ZNF346: variants seen among roughly 807,000 people sequenced by gnomAD.
ZNF346 encodes the protein zinc finger protein 346.
A neutral mutation model predicts 33.7 loss-of-function variants in ZNF346; 23 were observed. The ratio of observed to expected loss-of-function variants is 0.68; its 90% confidence interval spans 0.49 to 0.97. ZNF346 has a LOEUF of 0.97. ZNF346 is among the 50% of genes least tolerant of loss of function. The probability of loss-of-function intolerance (pLI) is 0.00; values close to 1 mark genes in which losing one functional copy is unlikely to be tolerated. For missense variants in ZNF346, 340 were observed against 371.1 expected, an observed-to-expected ratio of 0.92 and a Z score of 0.69; for synonymous variants, 134 against 142.4, an observed-to-expected ratio of 0.94 and a Z score of 0.42.
At chr5:177,028,496 T>TTTTATATATATATATATATATATATATA (rs1554142622) in intron 1 of ZNF346, among the ~76,000 whole-genome samples, 1 of 90,540 alleles carries the variant, frequency 1.1e-5, no homozygotes, top group Non-Finnish European at 2.0e-5. Flanking sequence ...TTGTGACGTT[T>TTTTATATATATATATATATATATATATA]TATATATATA....
chr5:177,037,741 T>C (rs1480325106), intron 1 of ZNF346, among the ~76,000 whole-genome samples: 1 of 152,178 alleles, frequency 6.6e-6, no homozygotes, highest in Non-Finnish European at 1.5e-5. Context: ...TCCATTCTTG[T>C]CCCCATACAG....
intron 5 of ZNF346, among the ~76,000 whole-genome samples, chr5:177,058,608 AAAG>A (rs923024825): frequency 3.3e-5 from 5 of 152,228 alleles, no homozygotes; most frequent in Non-Finnish European, 5.9e-5. Flanking sequence ...CTTCACAAAT[AAAG>A]AAGTTGAGAC....
At chr5:177,069,222 C>T (rs1293756889), downstream of ZNF346, among the ~76,000 whole-genome samples, 2 of 120,482 alleles carry the variant, frequency 1.7e-5, no homozygotes, top group South Asian at 5.1e-4. Context: ...TTTGGGAGGC[C>T]GAGGCGGGCG....
intron 6 of ZNF346, among the ~76,000 whole-genome samples, chr5:177,062,658 A>ACAGAT (rs1203760934): frequency 1.3e-5 from 2 of 152,148 alleles, no homozygotes; most frequent in Non-Finnish European, 2.9e-5. Context: ...ACCAATAATC[A>ACAGAT]CAGATTGTGA....
At chr5:177,052,748 T>G (rs1353323616) in intron 5 of ZNF346, 1 of 152,226 alleles carries the variant, frequency 6.6e-6, no homozygotes, top group East Asian at 1.9e-4. Context: ...CTACTAAAAC[T>G]ACACGTACAC....
intron 4 of ZNF346, among the ~76,000 whole-genome samples, chr5:177,044,970 A>T (rs1301443902): frequency 6.6e-6 from 1 of 152,102 alleles, no homozygotes; most frequent in Non-Finnish European, 1.5e-5. Flanking sequence ...TAATCCTCAA[A>T]AGCTGCCTGT....
intron 5 of ZNF346, chr5:177,052,730 A>G (rs922958772): frequency 6.6e-5 from 10 of 152,206 alleles, no homozygotes; most frequent in African/African-American, 1.9e-4. Flanking sequence ...TACTGGTACT[A>G]AGAAAAACTA....
intron 4 of ZNF346, among the ~76,000 whole-genome samples, chr5:177,046,019 G>A (rs1289667467): frequency 6.6e-6 from 1 of 152,028 alleles, no homozygotes; most frequent in African/African-American, 2.4e-5. Context: ...GACATAGGCC[G>A]GGCATGGTGG....
At chr5:177,080,106 G>C (rs886093809) in exon 9 of ZNF346, 1 of 152,332 alleles carries the variant, frequency 6.6e-6, no homozygotes, top group African/African-American at 2.4e-5. Context: ...CTCCCAGGCT[G>C]TCATCAGCTC....
chr5:177,058,568 C>T (rs904399391), intron 5 of ZNF346, among the ~76,000 whole-genome samples: 1 of 152,166 alleles, frequency 6.6e-6, no homozygotes. Context: ...AATCTCCACA[C>T]GTTCCTATAA....
intron 3 of ZNF346, among the ~76,000 whole-genome samples, chr5:177,042,730 T>C (rs1779506027): frequency 6.6e-6 from 1 of 152,138 alleles, no homozygotes; most frequent in Non-Finnish European, 1.5e-5. Context: ...CCTTTCTATT[T>C]CTCTATCTGT....
intron 5 of ZNF346, 59 bp downstream of exon 5, chr5:177,050,995 G>T (rs1007864763): frequency 1.4e-5 from 19 of 1,374,100 alleles, no homozygotes; most frequent in East Asian, 1.4e-4. Context: ...GGGGCTACCC[G>T]GACCAGCTGA....
At chr5:177,029,027 A>T (rs1210399307) in intron 1 of ZNF346, among the ~76,000 whole-genome samples, 1 of 151,924 alleles carries the variant, frequency 6.6e-6, no homozygotes, top group Non-Finnish European at 1.5e-5. Context: ...CCATATAACA[A>T]GCCCCTTTCA....
At chr5:177,060,705 G>C (rs1191275165) in intron 5 of ZNF346, among the ~76,000 whole-genome samples, 1 of 152,168 alleles carries the variant, frequency 6.6e-6, no homozygotes, top group Non-Finnish European at 1.5e-5. Flanking sequence ...CTACTTGGGA[G>C]GCTGAGGCAG....
At chr5:177,037,172 A>G (rs1225398558) in intron 1 of ZNF346, among the ~76,000 whole-genome samples, 2 of 152,152 alleles carry the variant, frequency 1.3e-5, no homozygotes, top group Non-Finnish European at 2.9e-5. Context: ...TGCCTTGGCC[A>G]GAAGTTCCAC....
chr5:177,064,660 C>A lies in ZNF346; in HGVS notation c.*61C>A. 1 of 1,345,286 alleles carries A rather than the reference C, an allele frequency of 7.4e-7. No individual in the cohort carries two copies. The highest frequency in any genetic ancestry group is 1.1e-6 in the Non-Finnish European group (1 of 935,236). The allele number at this position is 1,345,286 out of a possible 1,614,324, so 83.3% of individuals were successfully genotyped here. On this transcript the variant is annotated 3_prime_UTR_variant, in exon 7 of 7. Coordinates refer to ENST00000358149, the MANE Select transcript of ZNF346 (RefSeq NM_012279.4). Reference sequence around the variant, plus strand: ...CATGAGCCAGCTTCCCGTGACTGCTCAGCCCTTGGCTCCCTCTTGCTCGTT... The same window carrying A: ...CATGAGCCAGCTTCCCGTGACTGCTAAGCCCTTGGCTCCCTCTTGCTCGTT...
At chr5:177,061,388 T>C (rs966621947) in intron 5 of ZNF346, among the ~76,000 whole-genome samples, 2 of 151,958 alleles carry the variant, frequency 1.3e-5, no homozygotes, top group African/African-American at 4.8e-5. Context: ...CAGGTTGCAG[T>C]GAGCCAAGAT....
intron 4 of ZNF346, among the ~76,000 whole-genome samples, chr5:177,049,384 T>C (rs912494841): frequency 1.3e-5 from 2 of 152,214 alleles, no homozygotes; most frequent in Non-Finnish European, 2.9e-5. Flanking sequence ...TGGTGGGGGC[T>C]TCTGGGCCCC....
chr5:177,040,636 C>T (rs569327729), intron 1 of ZNF346, among the ~76,000 whole-genome samples: 3 of 152,348 alleles, frequency 2.0e-5, no homozygotes, highest in Middle Eastern at 3.4e-3. Flanking sequence ...TGAGCCACCA[C>T]GCCCCACCCT....
Sources: gnomAD v4.1 joint callset for allele counts (sites outside exome capture counted in the v4.1 genomes callset) on GRCh38, gnomAD v4.1.1 for gene constraint, MANE v1.5 for transcripts, NCBI Gene and HGNC (gene_info 2026-07-23, HGNC 2026-07-21) for gene names.